The following RARB variants were observed in gnomAD, a reference collection of about 807,000 sequenced individuals.
RARB encodes the protein retinoic acid receptor beta, also known as HBV-activated protein.
In RARB, 17 loss-of-function variants were observed where a neutral mutation model predicts 51.9. That is an observed-to-expected ratio of 0.33 (90% CI 0.22 to 0.49). The LOEUF is 0.49. Ranked by LOEUF, RARB falls within the 20% of genes least tolerant of loss-of-function variation. RARB has a pLI of 0.99. For missense variants in RARB, 369 were observed against 550.8 expected, an observed-to-expected ratio of 0.67 and a Z score of 3.30; for synonymous variants, 215 against 195.4, an observed-to-expected ratio of 1.10 and a Z score of -0.84.
At chr3:25,568,206 G>A (rs990027229) in intron 3 of RARB, among the ~76,000 whole-genome samples, 1 of 152,126 alleles carries the variant, frequency 6.6e-6, no homozygotes, top group African/African-American at 2.4e-5. Context: ...TGTCTAGAAG[G>A]GTGTTCTCTT....
chr3:25,213,361 T>C (rs1313201474), intron 5 of RARB, among the ~76,000 whole-genome samples: 1 of 152,168 alleles, frequency 6.6e-6, no homozygotes, highest in Non-Finnish European at 1.5e-5. Flanking sequence ...ATTTTATGTT[T>C]TTGGGATTTA....
At chr3:25,020,546 A>G (rs150384653) in intron 2 of RARB, 4 of 152,210 alleles carry the variant, frequency 2.6e-5, no homozygotes, top group African/African-American at 7.2e-5. Flanking sequence ...TTCGTCTAAT[A>G]TATCCTTCCC....
At chr3:24,961,574 C>A (rs1362408101) in intron 2 of RARB, among the ~76,000 whole-genome samples, 1 of 151,954 alleles carries the variant, frequency 6.6e-6, no homozygotes, top group Non-Finnish European at 1.5e-5. Flanking sequence ...ATGAGACTTT[C>A]CAGGTTGTTC....
At chr3:25,461,651 T>G (rs964354692) in intron 2 of RARB, among the ~76,000 whole-genome samples, 3 of 152,108 alleles carry the variant, frequency 2.0e-5, no homozygotes, top group Non-Finnish European at 2.9e-5. Context: ...TCCCAGCACT[T>G]TGGGAGGCCA....
intron 2 of RARB, among the ~76,000 whole-genome samples, chr3:24,899,846 C>T (rs956889127): frequency 6.6e-6 from 1 of 152,080 alleles, no homozygotes; most frequent in African/African-American, 2.4e-5. Flanking sequence ...CTTAATGGTT[C>T]CATTATTTTG....
chr3:25,293,597 T>TAAAAAAAAAAAAAAAAAAAAA lies in RARB; in HGVS notation c.178+119023_178+119043dup, dbSNP rs10713675. On this transcript the variant is annotated intron_variant, in intron 5 of 11. Coordinates refer to the RARB transcript ENST00000383772. ...TTCCCGAGGCTAGAGTTACTCCATT[T>TAAAAAAAAAAAAAAAAAAAAA]AAAAAAAAAAAAAAAAAAAAAGTTC... Among the ~76,000 whole-genome samples, 75 of 68,616 alleles carry TAAAAAAAAAAAAAAAAAAAAA rather than the reference T, an allele frequency of 1.1e-3. 16 individuals carry two copies. Among genetic ancestry groups the TAAAAAAAAAAAAAAAAAAAAA allele is most frequent in the South Asian group, 5.5e-3 (8 of 1,462 alleles). The allele number at this position is 68,616 out of a possible 152,430, so 45.0% of individuals were successfully genotyped here. A position where few individuals can be genotyped will look rare whatever the true frequency, so the allele number is the denominator to read the frequency against.
chr3:25,324,598 AC>A (rs1704661553), intron 5 of RARB: 1 of 169,404 alleles, frequency 5.9e-6, no homozygotes, highest in Admixed American at 6.1e-5. Flanking sequence ...GTCAAGAACG[AC>A]CGCACCTTTG....
intron 3 of RARB, among the ~76,000 whole-genome samples, chr3:25,073,148 T>C (rs1462111604): frequency 6.6e-6 from 1 of 152,158 alleles, no homozygotes; most frequent in Non-Finnish European, 1.5e-5. Flanking sequence ...AGGCAAGTGA[T>C]GTGTGCGTCT....
intron 2 of RARB, among the ~76,000 whole-genome samples, chr3:24,947,468 G>T (rs149776508): frequency 2.0e-5 from 3 of 152,180 alleles, no homozygotes; most frequent in African/African-American, 7.2e-5. Context: ...GAAGTAGAAC[G>T]TGTGTAAATC....
intron 3 of RARB, among the ~76,000 whole-genome samples, chr3:25,546,677 T>A (rs1168939510): frequency 6.6e-6 from 1 of 152,074 alleles, no homozygotes; most frequent in Non-Finnish European, 1.5e-5. Flanking sequence ...ATAGGGTCAC[T>A]GCAGACAATT....
intron 2 of RARB, among the ~76,000 whole-genome samples, chr3:25,054,291 G>A (rs1314221797): frequency 6.6e-6 from 1 of 152,150 alleles, no homozygotes; most frequent in African/African-American, 2.4e-5. Context: ...GAAATAAATA[G>A]ATGAATGGCT....
chr3:25,531,726 A>T (rs868659555), intron 3 of RARB, among the ~76,000 whole-genome samples: 6,008 of 96,628 alleles, frequency 0.062, 390 homozygotes, highest in African/African-American at 0.25. Context: ...GACACTTTAA[A>T]AAAAAAAAAA....
intron 5 of RARB, among the ~76,000 whole-genome samples, chr3:25,193,034 C>A (rs1408367778): frequency 6.6e-6 from 1 of 152,058 alleles, no homozygotes; most frequent in African/African-American, 2.4e-5. Flanking sequence ...GGCAAACTTT[C>A]ATTCACTGTT....
At chr3:25,551,592 T>C (rs1699854137) in intron 3 of RARB, among the ~76,000 whole-genome samples, 1 of 152,186 alleles carries the variant, frequency 6.6e-6, no homozygotes, top group Admixed American at 6.5e-5. Flanking sequence ...GCCAGTGATA[T>C]CTAATGGGCA....
At chr3:25,336,637 A>G (rs1705071349) in intron 5 of RARB, among the ~76,000 whole-genome samples, 1 of 152,122 alleles carries the variant, frequency 6.6e-6, no homozygotes, top group Non-Finnish European at 1.5e-5. Flanking sequence ...CCAACAACAT[A>G]TGGTACTTGA....
chr3:25,141,103 AG>A (rs1700100390), intron 4 of RARB, among the ~76,000 whole-genome samples: 1 of 152,076 alleles, frequency 6.6e-6, no homozygotes, highest in African/African-American at 2.4e-5. Flanking sequence ...AATATCTTTG[AG>A]GTATACCGAT....
At chr3:25,344,344 A>C (rs755029858) in intron 5 of RARB, among the ~76,000 whole-genome samples, 5 of 152,322 alleles carry the variant, frequency 3.3e-5, no homozygotes, top group Non-Finnish European at 7.4e-5. Flanking sequence ...GCAAGTTTTC[A>C]TACTAACAAA....
intron 5 of RARB, among the ~76,000 whole-genome samples, chr3:25,193,917 T>C (rs897631847): frequency 7.0e-6 from 1 of 143,124 alleles, no homozygotes; most frequent in Non-Finnish European, 1.5e-5. Context: ...AATCAGTTAG[T>C]AAGATGATTA....
intron 2 of RARB, among the ~76,000 whole-genome samples, chr3:24,950,466 A>G (rs1695865593): frequency 2.0e-5 from 3 of 152,206 alleles, no homozygotes; most frequent in African/African-American, 7.2e-5. Flanking sequence ...TTTACACTTT[A>G]ATATATCCAG....
Sources: gnomAD v4.1 joint callset for allele counts (sites outside exome capture counted in the v4.1 genomes callset) on GRCh38, gnomAD v4.1.1 for gene constraint, MANE v1.5 for transcripts, NCBI Gene and HGNC (gene_info 2026-07-23, HGNC 2026-07-21) for gene names.